The following TPD52L1 variants were observed in gnomAD, a reference collection of about 807,000 sequenced individuals.
TPD52L1 encodes the protein tumor protein D53.
In TPD52L1, 18 loss-of-function variants were observed where a neutral mutation model predicts 28.7. The ratio of observed to expected loss-of-function variants is 0.63; its 90% CI spans 0.43 to 0.93. The LOEUF (loss-of-function observed/expected upper bound fraction) is 0.93. Among genes scored for constraint, TPD52L1 ranks in the 40% least tolerant of loss-of-function variants. TPD52L1 has a pLI of 0.00. For missense variants in TPD52L1, 203 were observed against 254.8 expected (o/e 0.80, Z 1.39); for synonymous variants, 75 against 88.8 (o/e 0.84, Z 0.88).
chr6:125,162,830 C>A (rs928621549), intron 1 of TPD52L1, among the ~76,000 whole-genome samples: 3 of 152,174 alleles, frequency 2.0e-5, no homozygotes, highest in African/African-American at 7.2e-5. Context: ...TTTGCTGTTG[C>A]TTTTATTAGC....
chr6:125,264,286 A>G lies in TPD52L1; in HGVS notation c.*1324A>G, dbSNP rs1798207429. On this transcript the variant is annotated 3_prime_UTR_variant, in exon 7 of 7. Transcript: ENST00000534000. ...CCAACCTAAAAAAAATCACTATTTA[A>G]AAAGCCCATATAATATATACATATT... The G allele has an allele frequency of 6.6e-6, 1 of 152,246 alleles. No homozygotes were observed. The highest frequency in any genetic ancestry group is 1.5e-5 in the Non-Finnish European group (1 of 68,048). 9.4% of individuals were successfully genotyped at this position (152,246 alleles called of 1,614,324 possible).
intron 3 of TPD52L1, chr6:125,234,423 G>T (rs1180054319): frequency 6.6e-6 from 1 of 152,174 alleles, no homozygotes; most frequent in African/African-American, 2.4e-5. Flanking sequence ...GCTGAAGTGA[G>T]GACAGGCACA....
In TPD52L1 at chr6:125,184,814, A is replaced by C. The variant is rs547654172; in HGVS notation, c.19+30844A>C. 5.9e-5 allele frequency among the ~76,000 whole-genome samples: 9 copies of C among 152,316 alleles called. 1 individual carries two copies. The highest frequency in any genetic ancestry group is 2.2e-4 in the African/African-American group (9 of 41,570). ...TAGAGGAAAAGAGGAGAAACCAACA[A>C]AGTAAACTAAATTGTAAATATAAAA... On this transcript the variant is annotated intron_variant, in intron 1 of 6. Transcript: ENST00000534000.
intron 1 of TPD52L1, among the ~76,000 whole-genome samples, chr6:125,184,728 C>T (rs1434441048): frequency 6.6e-6 from 1 of 151,508 alleles, no homozygotes; most frequent in Non-Finnish European, 1.5e-5. Context: ...AATGATGGAA[C>T]GTTTACATTA....
chr6:125,252,493 C>T (rs1206608407), intron 4 of TPD52L1: 2 of 154,366 alleles, frequency 1.3e-5, no homozygotes, highest in African/African-American at 4.8e-5. Flanking sequence ...TCACCTTCAA[C>T]TTTCTGTGCC....
At chr6:125,239,349 A>G (rs1010569582) in intron 3 of TPD52L1, among the ~76,000 whole-genome samples, 2 of 152,170 alleles carry the variant, frequency 1.3e-5, no homozygotes, top group Admixed American at 6.5e-5. Context: ...TGGGTAATTT[A>G]TAAAGAAAAA....
chr6:125,192,731 T>C (rs573142448), intron 1 of TPD52L1, among the ~76,000 whole-genome samples: 26 of 152,346 alleles, frequency 1.7e-4, no homozygotes, highest in African/African-American at 6.0e-4. Flanking sequence ...CTTTGCTGCA[T>C]ACGGTCGGCT....
intron 1 of TPD52L1, among the ~76,000 whole-genome samples, chr6:125,208,753 G>A (rs866705223): frequency 7.9e-5 from 12 of 152,148 alleles, no homozygotes; most frequent in African/African-American, 1.9e-4. Flanking sequence ...GGTAAGACAC[G>A]TAATCAAATA....
At chr6:125,244,133 A>G (rs957154970) in intron 3 of TPD52L1, among the ~76,000 whole-genome samples, 10 of 152,054 alleles carry the variant, frequency 6.6e-5, no homozygotes, top group Admixed American at 1.3e-4. Context: ...TGTAGTTGTT[A>G]CATTCTTGGT....
At chr6:125,163,003 A>G (rs1294145007) in intron 1 of TPD52L1, among the ~76,000 whole-genome samples, 1 of 152,220 alleles carries the variant, frequency 6.6e-6, no homozygotes, top group Non-Finnish European at 1.5e-5. Context: ...AGTCCAGAGA[A>G]TGAGCTTAAC....
intron 4 of TPD52L1, chr6:125,253,515 T>A (rs1227718847): frequency 3.5e-6 from 2 of 568,490 alleles, no homozygotes; most frequent in African/African-American, 3.8e-5. Flanking sequence ...GGATCCACCA[T>A]CTACTTTTCA....
At chr6:125,228,848 T>C (rs1795774260) in intron 2 of TPD52L1, among the ~76,000 whole-genome samples, 1 of 152,180 alleles carries the variant, frequency 6.6e-6, no homozygotes, top group African/African-American at 2.4e-5. Flanking sequence ...ATACAGGTGA[T>C]TTTTATTTTC....
intron 1 of TPD52L1, among the ~76,000 whole-genome samples, chr6:125,194,803 G>A (rs1253631212): frequency 1.3e-5 from 2 of 152,152 alleles, no homozygotes; most frequent in Admixed American, 6.5e-5. Context: ...TTTAAACCTT[G>A]GTTAAAGCAT....
intron 6 of TPD52L1, among the ~76,000 whole-genome samples, chr6:125,258,066 G>T (rs150151739): frequency 6.6e-6 from 1 of 152,108 alleles, no homozygotes. Context: ...CTGCTCTCAC[G>T]TGTGCTGCCT....
chr6:125,244,193 T>C lies in TPD52L1; in HGVS notation c.285-4089T>C, dbSNP rs146206141. ...ATGGAGTTGGAATGGCAGGTATCTC[T>C]TGAAGCTTATCTTGTTCTCTCATGG... On this transcript the variant is annotated intron_variant, in intron 3 of 6. Coordinates refer to ENST00000534000, the MANE Select transcript of TPD52L1 (RefSeq NM_003287.4). Among the ~76,000 whole-genome samples, 566 of 152,324 alleles carry C rather than the reference T, an allele frequency of 3.7e-3. 7 individuals carry two copies. The highest frequency in any genetic ancestry group is 0.013 in the African/African-American group (539 of 41,568).
At chr6:125,156,835 G>A (rs962255022) in intron 1 of TPD52L1, among the ~76,000 whole-genome samples, 6 of 152,150 alleles carry the variant, frequency 3.9e-5, no homozygotes, top group African/African-American at 1.4e-4. Flanking sequence ...TGGATTGAAT[G>A]TGAAGGAGGG....
At chr6:125,250,241 A>G (rs758591229) in intron 4 of TPD52L1, among the ~76,000 whole-genome samples, 3 of 152,208 alleles carry the variant, frequency 2.0e-5, no homozygotes, top group Non-Finnish European at 4.4e-5. Flanking sequence ...GAGATCTTAC[A>G]AACACCTCTG....
intron 5 of TPD52L1, among the ~76,000 whole-genome samples, chr6:125,256,717 C>A (rs1264940451): frequency 6.6e-6 from 1 of 152,168 alleles, no homozygotes; most frequent in African/African-American, 2.4e-5. Flanking sequence ...ACTAAAAAAC[C>A]TGAGTCAGGA....
chr6:125,190,152 G>A (rs1308558028), intron 1 of TPD52L1, among the ~76,000 whole-genome samples: 2 of 152,074 alleles, frequency 1.3e-5, no homozygotes, highest in Non-Finnish European at 2.9e-5. Flanking sequence ...TAGTTTCTGT[G>A]AACTATATTG....
Sources: allele counts gnomAD v4.1 joint callset (sites outside exome capture counted in the v4.1 genomes callset), GRCh38; gene constraint gnomAD v4.1.1; transcripts MANE v1.5; gene names NCBI Gene and HGNC (gene_info 2026-07-23, HGNC 2026-07-21).